The following ADAM32 variants were observed in gnomAD, a reference collection of about 807,000 sequenced individuals.
The protein encoded by ADAM32 is ADAM metallopeptidase domain 32.
In ADAM32, 89 loss-of-function variants were observed where a neutral mutation model predicts 114.9. The ratio of observed to expected loss-of-function variants is 0.77; its 90% CI spans 0.65 to 0.92. The LOEUF (loss-of-function observed/expected upper bound fraction) is 0.92. ADAM32 is among the 40% of genes least tolerant of loss of function. The pLI, the probability that ADAM32 is intolerant of heterozygous loss-of-function variation, is 0.00. For missense variants in ADAM32, 870 were observed against 932.8 expected (o/e 0.93, Z 0.88); for synonymous variants, 285 against 307.5 (o/e 0.93, Z 0.77).
intron 19 of ADAM32, among the ~76,000 whole-genome samples, chr8:39,270,646 A>ACT (rs1239189302): frequency 2.6e-5 from 4 of 152,142 alleles, no homozygotes; most frequent in Non-Finnish European, 5.9e-5. Flanking sequence ...TGTTTTTGAT[A>ACT]CTCTCCTCAT....
At chr8:39,143,833 G>A (rs1803332065) in intron 3 of ADAM32, among the ~76,000 whole-genome samples, 1 of 152,230 alleles carries the variant, frequency 6.6e-6, no homozygotes, top group Admixed American at 6.5e-5. Context: ...AATCTATAAA[G>A]GTAGTAGGCC....
chr8:39,160,897 T>C lies in ADAM32; in HGVS notation c.526T>C (p.Ser176Pro). 1 of 1,587,036 alleles carries C rather than the reference T, an allele frequency of 6.3e-7. No homozygotes were observed. Among genetic ancestry groups the C allele is most frequent in the African/African-American group, 1.3e-5 (1 of 74,352 alleles). The change falls in exon 7 of 25, where the codon TCA (serine) becomes CCA (proline). Residue 176 changes from serine to proline, a missense_variant and splice_region_variant. Coordinates refer to ENST00000379907, the MANE Select transcript of ADAM32 (RefSeq NM_145004.7). ...MDDNIFISEK[S>P]EPAVPDLFPL... Reference sequence around the variant, plus strand: ...TATATGCTGTTTTCCTTTTTTCTAGTCAGAACCAGCTGTTCCAGATTTATT... The same window carrying C: ...TATATGCTGTTTTCCTTTTTTCTAGCCAGAACCAGCTGTTCCAGATTTATT...
chr8:39,110,023 C>G (rs1336967765), intron 1 of ADAM32, among the ~76,000 whole-genome samples: 2 of 152,050 alleles, frequency 1.3e-5, no homozygotes, highest in Non-Finnish European at 1.5e-5. Flanking sequence ...TAATAATATG[C>G]ATTTAAGGTT....
At chr8:39,123,030 A>G (rs1195947103) in intron 2 of ADAM32, among the ~76,000 whole-genome samples, 1 of 152,184 alleles carries the variant, frequency 6.6e-6, no homozygotes, top group East Asian at 1.9e-4. Context: ...ACTTTTGTAT[A>G]TGGTGTGAGG....
chr8:39,164,721 A>G (rs1248255656), intron 7 of ADAM32, 43 bp from the exon 8 acceptor site: 4 of 1,426,936 alleles, frequency 2.8e-6, no homozygotes, highest in African/African-American at 1.4e-5. Flanking sequence ...AAAATACTAC[A>G]TAATAATTTG....
intron 2 of ADAM32, among the ~76,000 whole-genome samples, chr8:39,136,069 C>T (rs1052056257): frequency 6.6e-5 from 10 of 152,130 alleles, no homozygotes; most frequent in African/African-American, 2.4e-4. Flanking sequence ...TTCTCTACCT[C>T]TTGCTTTTCA....
chr8:39,177,531 T>C (rs759621886), intron 10 of ADAM32, among the ~76,000 whole-genome samples: 3 of 152,208 alleles, frequency 2.0e-5, no homozygotes, highest in African/African-American at 4.8e-5. Context: ...TGTTGTTCTG[T>C]GTGAATTTGA....
chr8:39,118,617 C>T (rs990194398), intron 2 of ADAM32, among the ~76,000 whole-genome samples: 2 of 152,066 alleles, frequency 1.3e-5, no homozygotes, highest in African/African-American at 2.4e-5. Context: ...ATTTATTTAG[C>T]AACTATTTCT....
intron 11 of ADAM32, among the ~76,000 whole-genome samples, chr8:39,196,589 G>T (rs1006620515): frequency 1.3e-5 from 2 of 152,080 alleles, no homozygotes. Flanking sequence ...CTATTGAAAT[G>T]ATTTTGCGGT....
intron 3 of ADAM32, among the ~76,000 whole-genome samples, chr8:39,139,297 T>G (rs71517748): frequency 0.52 from 78,390 of 152,028 alleles, 21,299 homozygotes; most frequent in Non-Finnish European, 0.6. Flanking sequence ...TCTAGGGTTT[T>G]TATGGTGTTA....
chr8:39,190,948 A>G (rs927248135), intron 11 of ADAM32, among the ~76,000 whole-genome samples: 1 of 152,018 alleles, frequency 6.6e-6, no homozygotes, highest in Admixed American at 6.6e-5. Flanking sequence ...CCCAGTGTCT[A>G]TTGTTCCTCT....
chr8:39,264,685 A>C (rs1164909059), intron 19 of ADAM32, among the ~76,000 whole-genome samples: 1 of 152,212 alleles, frequency 6.6e-6, no homozygotes, highest in Non-Finnish European at 1.5e-5. Context: ...GTATGCATTT[A>C]GCACTATAAA....
At chr8:39,241,810 C>G (rs143945462) in intron 16 of ADAM32, among the ~76,000 whole-genome samples, 1 of 152,344 alleles carries the variant, frequency 6.6e-6, no homozygotes, top group East Asian at 1.9e-4. Context: ...TCCCCATTGT[C>G]TTGGTGATTA....
intron 4 of ADAM32, among the ~76,000 whole-genome samples, chr8:39,148,506 T>C (rs1192233045): frequency 6.6e-6 from 1 of 151,514 alleles, no homozygotes; most frequent in Non-Finnish European, 1.5e-5. Flanking sequence ...CTTTTTCCCA[T>C]GGCAGTTATC....
At chr8:39,154,369 T>G (rs1381602445) in intron 6 of ADAM32, among the ~76,000 whole-genome samples, 1 of 152,228 alleles carries the variant, frequency 6.6e-6, no homozygotes, top group Admixed American at 6.5e-5. Flanking sequence ...GGACATGAAC[T>G]CATCCTTTTT....
At chr8:39,223,929 C>T (rs946643582) in intron 14 of ADAM32, 3 of 152,104 alleles carry the variant, frequency 2.0e-5, no homozygotes, top group African/African-American at 7.2e-5. Flanking sequence ...TTTCACTTAG[C>T]ATAATGGCCT....
intron 1 of ADAM32, among the ~76,000 whole-genome samples, chr8:39,114,461 C>T (rs1162897193): frequency 6.6e-6 from 1 of 152,198 alleles, no homozygotes. Flanking sequence ...TCAGTTTCTG[C>T]GCACCACAAG....
At chr8:39,172,540 C>T (rs1805264449) in intron 10 of ADAM32, among the ~76,000 whole-genome samples, 1 of 152,132 alleles carries the variant, frequency 6.6e-6, no homozygotes, top group Non-Finnish European at 1.5e-5. Flanking sequence ...TCTATGTGTT[C>T]TTATTGTTCA....
intron 2 of ADAM32, among the ~76,000 whole-genome samples, chr8:39,120,761 CAA>C (rs748561734): frequency 1.5e-4 from 15 of 99,492 alleles, no homozygotes; most frequent in African/African-American, 3.7e-4. Context: ...GACTCCGTCT[CAA>C]AAAAAAAAAA....
Sources: allele counts gnomAD v4.1 joint callset (sites outside exome capture counted in the v4.1 genomes callset), GRCh38; gene constraint gnomAD v4.1.1; transcripts MANE v1.5; gene names NCBI Gene and HGNC (gene_info 2026-07-23, HGNC 2026-07-21).